PPP2R3B: variants seen among roughly 807,000 people sequenced by gnomAD.
The protein encoded by PPP2R3B is protein phosphatase 2 regulatory subunit B''beta.
Under a neutral mutation model 72.9 loss-of-function variants are expected in PPP2R3B, and 68 were observed. That is an observed-to-expected ratio of 0.93 (90% CI 0.77 to 1.14). The LOEUF (loss-of-function observed/expected upper bound fraction) is 1.14. PPP2R3B is among the 50% of genes most tolerant of loss of function. PPP2R3B has a pLI of 0.00. For synonymous variants in PPP2R3B, 466 were observed against 375.8 expected, an observed-to-expected ratio of 1.24 and a Z score of -2.78; for missense variants, 1,018 against 842.0, an observed-to-expected ratio of 1.21 and a Z score of -2.59.
Position 334,409 on chromosome X carries a change from C to A in PPP2R3B, c.1686G>T (p.Leu562=). The stretch of plus-strand genomic sequence containing the variant: ...CCTCGTCCCCGCATGCGTACTCGTA[C>A]AGGTCCACGGCGCCCAGCGGTGAGG... The part of the protein sequence containing the change: ...EAPSPLGAVD[L]YEYACGDEDL... The change falls in exon 13 of 13, where the codon CTG becomes CTT. Residue 562 remains leucine (L), a synonymous_variant. Coordinates refer to ENST00000390665, the MANE Select transcript of PPP2R3B (RefSeq NM_013239.5). 6.3e-7 allele frequency: 1 copy of A among 1,587,446 alleles called. No individual in the cohort carries two copies. The highest frequency in any genetic ancestry group is 1.1e-5 in the South Asian group (1 of 88,820).
At chrX:352,225 C>A (rs370510415) in intron 2 of PPP2R3B, among the ~76,000 whole-genome samples, 3 of 152,252 alleles carry the variant, frequency 2.0e-5, no homozygotes, top group African/African-American at 4.8e-5. Flanking sequence ...ACATCAGATA[C>A]CCTGATCTGA....
In PPP2R3B at chrX:361,386, TC is replaced by T; in HGVS notation, c.510+18del. ...GCAGTACCACCTCGGCTGCTCCACG[TC>T]CCACGCGTGACACGTACCTTGGCCA... On this transcript the variant is annotated intron_variant, in intron 2 of 12. Transcript: ENST00000390665. 1.2e-6 allele frequency: 2 copies of T among 1,613,570 alleles called. No individual in the cohort carries two copies. The highest frequency in any genetic ancestry group is 1.1e-5 in the South Asian group (1 of 91,046).
At chrX:345,378 G>GC (rs2071177700) in intron 7 of PPP2R3B, 138 bp downstream of exon 7, 1 of 1,194,784 alleles carries the variant, frequency 8.4e-7, no homozygotes, top group African/African-American at 1.5e-5. Flanking sequence ...CAGACACAGA[G>GC]CGGCGAGTGC....
At chrX:361,703 C>T (rs2071545357) in intron 1 of PPP2R3B, 113 bp from the exon 2 acceptor site, 1 of 1,251,910 alleles carries the variant, frequency 8.0e-7, no homozygotes, top group Non-Finnish European at 1.1e-6. Flanking sequence ...CCACCTGATC[C>T]CAGCCGGGAG....
At chrX:340,483 TCCCCCCTCCC>T (rs2071031837) in intron 10 of PPP2R3B, among the ~76,000 whole-genome samples, 1 of 107,722 alleles carries the variant, frequency 9.3e-6, no homozygotes, top group Non-Finnish European at 2.0e-5. Context: ...CCCTGGGCCG[TCCCCCCTCCC>T]GTCCGTCCCC....
At chrX:355,107 T>C (rs2071410828) in intron 2 of PPP2R3B, among the ~76,000 whole-genome samples, 1 of 145,948 alleles carries the variant, frequency 6.9e-6, no homozygotes, top group Admixed American at 7.0e-5. Flanking sequence ...GACCGTGCGT[T>C]AGAGACTCTG....
At chrX:356,359 G>A (rs918793417) in intron 2 of PPP2R3B, among the ~76,000 whole-genome samples, 6 of 152,132 alleles carry the variant, frequency 3.9e-5, no homozygotes, top group African/African-American at 7.2e-5. Context: ...GGAATGACAG[G>A]TGCCCGCCAC....
chrX:341,763 C>T (rs1162399380), intron 8 of PPP2R3B, 120 bp downstream of exon 8: 62 of 1,106,484 alleles, frequency 5.6e-5, no homozygotes, highest in African/African-American at 1.2e-4. Context: ...CTCGCCAGGG[C>T]CTGGGGTGAC....
chrX:369,107 G>A (rs2071799254), intron 1 of PPP2R3B, among the ~76,000 whole-genome samples: 1 of 152,208 alleles, frequency 6.6e-6, no homozygotes, highest in Non-Finnish European at 1.5e-5. Context: ...CAGGTCTCAG[G>A]GGGTTCTGAA....
chrX:357,679 C>CA lies in PPP2R3B; in HGVS notation c.510+3725dup, dbSNP rs200096942. On this transcript the variant is annotated intron_variant, in intron 2 of 12. Coordinates refer to ENST00000390665, the MANE Select transcript of PPP2R3B (RefSeq NM_013239.5). Reference sequence around the variant, plus strand: ...AATTTTTAGAAAAAATGTAAATCATCAAAATAGTCTCCATAAATGAAAACC... The same window carrying CA: ...AATTTTTAGAAAAAATGTAAATCATCAAAAATAGTCTCCATAAATGAAAACC... Among the ~76,000 whole-genome samples the CA allele has an allele frequency of 1.5e-3, 231 of 152,218 alleles. 4 individuals carry two copies. The East Asian group carries it at 0.038, about 25-fold the overall frequency.
chrX:360,147 AC>A (rs2071511514), intron 2 of PPP2R3B, among the ~76,000 whole-genome samples: 5 of 152,182 alleles, frequency 3.3e-5, no homozygotes, highest in African/African-American at 1.2e-4. Flanking sequence ...AAAAGATGAG[AC>A]ACAGCGACCA....
chrX:386,650 CT>C lies in PPP2R3B; in HGVS notation c.41del (p.Lys14ArgfsTer95). The C allele has an allele frequency of 1.4e-6, 2 of 1,413,728 alleles. No homozygotes were observed. The highest frequency in any genetic ancestry group is 1.8e-6 in the Non-Finnish European group (2 of 1,083,534). 87.6% of individuals were successfully genotyped at this position (1,413,728 alleles called of 1,614,324 possible). On this transcript the variant is annotated frameshift_variant, in exon 1 of 13. Transcript: ENST00000390665. LOFTEE classifies it high-confidence loss of function. ...GKVLQPVLKM[K>X]VDELFLYWLS... is the part of the protein sequence containing the mutation. The stretch of plus-strand genomic sequence containing the variant: ...GCCAGTACAGGAACAGCTCGTCCAC[CT>C]TCATCTTCAGGACCGGCTGCAGCAC...
intron 2 of PPP2R3B, among the ~76,000 whole-genome samples, chrX:349,557 G>A (rs997799698): frequency 1.3e-5 from 2 of 152,202 alleles, no homozygotes; most frequent in Admixed American, 1.3e-4. Flanking sequence ...ATACGACGAC[G>A]GGTAAGAAGA....
chrX:348,769 A>C (rs1303126541), intron 2 of PPP2R3B, among the ~76,000 whole-genome samples: 2 of 152,306 alleles, frequency 1.3e-5, no homozygotes, highest in East Asian at 3.9e-4. Context: ...AATTGTGTCC[A>C]TAATTTAAAA....
chrX:381,361 T>C (rs2124417197), intron 1 of PPP2R3B, among the ~76,000 whole-genome samples: 1 of 152,224 alleles, frequency 6.6e-6, no homozygotes, highest in South Asian at 2.1e-4. Flanking sequence ...ACAATGCCGT[T>C]CCTTTCACCC....
intron 1 of PPP2R3B, among the ~76,000 whole-genome samples, chrX:381,399 G>A (rs976674673): frequency 1.3e-5 from 2 of 151,998 alleles, no homozygotes; most frequent in African/African-American, 2.4e-5. Flanking sequence ...TGGACCTAGC[G>A]TGAACCCTCC....
rs2070822336 is a variant in PPP2R3B, at chrX:334,238, T to C, written c.*129A>G. 5 of 1,143,326 alleles carry C rather than the reference T, an allele frequency of 4.4e-6. No homozygotes were observed. The East Asian group carries it at 9.7e-5, about 22-fold the overall frequency. The allele number at this position is 1,143,326 out of a possible 1,614,324, so 70.8% of individuals were successfully genotyped here. A position where few individuals can be genotyped will look rare whatever the true frequency, so the allele number is the denominator to read the frequency against. On this transcript the variant is annotated 3_prime_UTR_variant, in exon 13 of 13. Coordinates refer to ENST00000390665, the MANE Select transcript of PPP2R3B (RefSeq NM_013239.5). ...CCCACAGCGGCAATCAACACGCTTC[T>C]GTGAATAAATAAAAGTTTATCATTC...
chrX:378,182 T>C (rs756748621), intron 1 of PPP2R3B, among the ~76,000 whole-genome samples: 2 of 152,306 alleles, frequency 1.3e-5, no homozygotes, highest in African/African-American at 4.8e-5. Context: ...AGAGACAACA[T>C]TGCCATCTGG....
At chrX:341,001 C>A (rs2071053450) in intron 9 of PPP2R3B, 61 bp from the exon 10 acceptor site, 5 of 1,584,086 alleles carry the variant, frequency 3.2e-6, no homozygotes, top group Non-Finnish European at 3.4e-6. Flanking sequence ...TGACCTGCAG[C>A]CCCTGAGGCA....
Sources: allele counts gnomAD v4.1 joint callset (sites outside exome capture counted in the v4.1 genomes callset), GRCh38; gene constraint gnomAD v4.1.1; transcripts MANE v1.5; gene names NCBI Gene and HGNC (gene_info 2026-07-23, HGNC 2026-07-21).